The following ITSN1 variants were observed in gnomAD, a reference collection of about 807,000 sequenced individuals.
The protein encoded by ITSN1 is intersectin 1, also known as intersectin-1.
A neutral mutation model predicts 239.8 loss-of-function variants in ITSN1; 58 were observed. The ratio of observed to expected loss-of-function variants is 0.24; its 90% CI spans 0.20 to 0.30. The LOEUF is 0.30. ITSN1 is among the 10% of genes least tolerant of loss of function. The pLI, the probability that ITSN1 is intolerant of heterozygous loss-of-function variation, is 1.00. For missense variants in ITSN1, 1,558 were observed against 2,103.3 expected (o/e 0.74, Z 5.07); for synonymous variants, 780 against 770.8 (o/e 1.01, Z -0.20).
chr21:33,885,501 T>C lies in ITSN1; in HGVS notation c.4822T>C (p.Leu1608=), dbSNP rs747304185. 3.4e-5 allele frequency: 55 copies of C among 1,613,866 alleles called. No homozygotes were observed. Among genetic ancestry groups the C allele is most frequent in the Non-Finnish European group, 4.2e-5 (49 of 1,180,002 alleles). ...GGTGAACGTGGTTGAAGGCATCGAG[T>C]TGAAACCCTGTCGGTCACATGGTAA... is the stretch of plus-strand genomic sequence containing the variant. The part of the protein sequence containing the change: ...LMVNVVEGIE[L]KPCRSHGKSN... Residue 1608 remains leucine (L), a synonymous_variant, in exon 38 of 40, where the codon TTG becomes CTG. Coordinates refer to ENST00000381318, the MANE Select transcript of ITSN1 (RefSeq NM_003024.3).
intron 1 of ITSN1, among the ~76,000 whole-genome samples, chr21:33,666,303 G>A (rs1337401476): frequency 6.6e-6 from 1 of 152,126 alleles, no homozygotes; most frequent in Non-Finnish European, 1.5e-5. Flanking sequence ...GAGTAGCTGG[G>A]GCAGAGCATA....
chr21:33,888,100 T>G, intron 39 of ITSN1, 52 bp from the exon 40 acceptor site: 1 of 1,587,772 alleles, frequency 6.3e-7, no homozygotes, highest in Non-Finnish European at 8.6e-7. Context: ...GACATGTGCC[T>G]CGAAGAGAGG....
chr21:33,795,917 G>C (rs192124169), intron 17 of ITSN1, among the ~76,000 whole-genome samples: 1 of 149,660 alleles, frequency 6.7e-6, no homozygotes. Flanking sequence ...AGTATATATG[G>C]TGACCTTCAT....
At chr21:33,703,897 G>A (rs2092133130) in intron 1 of ITSN1, among the ~76,000 whole-genome samples, 1 of 152,054 alleles carries the variant, frequency 6.6e-6, no homozygotes, top group Non-Finnish European at 1.5e-5. Context: ...GAAGAGCTCC[G>A]GGCCCTTAGC....
intron 8 of ITSN1, among the ~76,000 whole-genome samples, chr21:33,755,624 C>T (rs1032172910): frequency 1.3e-5 from 2 of 152,202 alleles, no homozygotes; most frequent in Non-Finnish European, 2.9e-5. Context: ...CAGGGATACT[C>T]CTGTACGCTG....
chr21:33,730,378 GCT>G (rs1462080189), intron 4 of ITSN1, among the ~76,000 whole-genome samples: 4 of 138,330 alleles, frequency 2.9e-5, no homozygotes, highest in Non-Finnish European at 4.6e-5. Context: ...TGCTATAAAT[GCT>G]CTCTGTTCTT....
intron 31 of ITSN1, among the ~76,000 whole-genome samples, chr21:33,859,076 C>G (rs1332370948): frequency 7.4e-5 from 11 of 149,274 alleles, no homozygotes; most frequent in African/African-American, 2.8e-4. Context: ...TAGGGCGACG[C>G]TGGCTCCTGA....
chr21:33,701,784 G>A (rs1267186175), intron 1 of ITSN1, among the ~76,000 whole-genome samples: 1 of 151,018 alleles, frequency 6.6e-6, no homozygotes, highest in African/African-American at 2.4e-5. Context: ...AACAGAGCGA[G>A]ACTCCATCTC....
chr21:33,817,592 A>G (rs1247240612), intron 22 of ITSN1: 4 of 1,298,012 alleles, frequency 3.1e-6, no homozygotes, highest in Non-Finnish European at 4.1e-6. Flanking sequence ...ATTACCTGCT[A>G]GTAATACTGC....
In ITSN1 at chr21:33,865,132, C is replaced by A. The variant is rs1414476362; in HGVS notation, c.3891-19C>A. ...GATAGCGTGAAAGCAGGGGGCTCAC[C>A]TCCCGTGTTTCCGTGCAGAGCGCTG... On this transcript the variant is annotated intron_variant, in intron 31 of 39. Coordinates refer to ENST00000381318, the MANE Select transcript of ITSN1 (RefSeq NM_003024.3). The surrounding 1 kb of genome is among the most constrained non-coding windows in gnomAD (Gnocchi z 4.4). 6.2e-7 allele frequency: 1 copy of A among 1,602,824 alleles called. No homozygotes were observed. Among genetic ancestry groups the A allele is most frequent in the Non-Finnish European group, 8.5e-7 (1 of 1,173,158 alleles).
chr21:33,797,648 T>A lies in ITSN1; in HGVS notation c.2182+40T>A. 3 of 1,554,362 alleles carry A rather than the reference T, an allele frequency of 1.9e-6. No individual in the cohort carries two copies. The highest frequency in any genetic ancestry group is 2.7e-6 in the Non-Finnish European group (3 of 1,130,252). ...AAATAATTATAGAAAATAAGTCATC[T>A]TCTCTCCCAGAGCCTCCTGAAAAAT... On this transcript the variant is annotated intron_variant, in intron 18 of 39. Coordinates refer to ENST00000381318, the MANE Select transcript of ITSN1 (RefSeq NM_003024.3). The surrounding 1 kb of genome is among the most constrained non-coding windows in gnomAD (Gnocchi z 4.9).
chr21:33,776,931 G>A (rs4817593), intron 14 of ITSN1, among the ~76,000 whole-genome samples: 152,137 of 152,210 alleles, frequency 1, 76,032 homozygotes, highest in Middle Eastern at 1. Context: ...TCAGTTTACC[G>A]TTTTTTTTCT....
intron 27 of ITSN1, among the ~76,000 whole-genome samples, chr21:33,833,439 G>A (rs1422975793): frequency 1.3e-5 from 2 of 152,226 alleles, no homozygotes; most frequent in Admixed American, 6.5e-5. Context: ...AGACACATGA[G>A]TGCATCTTGG....
chr21:33,736,601 G>A (rs1601918665), intron 5 of ITSN1, among the ~76,000 whole-genome samples: 1 of 152,344 alleles, frequency 6.6e-6, no homozygotes, highest in East Asian at 1.9e-4. Context: ...TTAGCCTTTA[G>A]TTAACCAGCT....
chr21:33,688,170 A>G (rs1383032262), intron 1 of ITSN1, among the ~76,000 whole-genome samples: 1 of 151,942 alleles, frequency 6.6e-6, no homozygotes, highest in Non-Finnish European at 1.5e-5. Flanking sequence ...AGAACGCTGG[A>G]TAATGGACTT....
chr21:33,894,406 G>A lies in ITSN1; in HGVS notation c.*6106G>A, dbSNP rs901078550. 4 of 152,088 alleles carry A rather than the reference G, an allele frequency of 2.6e-5. No homozygotes were observed. The highest frequency in any genetic ancestry group is 1.3e-4 in the Admixed American group (2 of 15,274). 9.4% of individuals were successfully genotyped at this position (152,088 alleles called of 1,614,324 possible). A position where few individuals can be genotyped will look rare whatever the true frequency, so the allele number is the denominator to read the frequency against. On this transcript the variant is annotated 3_prime_UTR_variant, in exon 40 of 40. Coordinates refer to ENST00000381318, the MANE Select transcript of ITSN1 (RefSeq NM_003024.3). Reference sequence around the variant, plus strand: ...CCTTATTGGATGTCAGGGGTGTTTTGTGAGTTGTGTTTTAATAGGATTCTG... The same window carrying A: ...CCTTATTGGATGTCAGGGGTGTTTTATGAGTTGTGTTTTAATAGGATTCTG...
chr21:33,811,222 C>T lies in ITSN1; in HGVS notation c.2567C>T (p.Thr856Met), dbSNP rs772592802. 7 of 1,579,350 alleles carry T rather than the reference C, an allele frequency of 4.4e-6. No homozygotes were observed. Among genetic ancestry groups the T allele is most frequent in the African/African-American group, 2.7e-5 (2 of 73,362 alleles). ...TPNNWADFSSTWPTSTNEKPE... is the reference protein window; with the variant it reads ...TPNNWADFSSMWPTSTNEKPE... ...AATAACTGGGCCGACTTCAGCTCCA[C>T]GTACGTGTTGGTGGGCTCTTTCTGA... Residue 856 changes from threonine to methionine, a missense_variant and splice_region_variant, in exon 21 of 40, where the codon ACG becomes ATG. This residue lies in a region of ITSN1 where 982 missense variants were observed against 1,209.9 expected (regional missense o/e 0.81). Transcript: ENST00000381318.
At chr21:33,875,639 C>T (rs547485196) in intron 34 of ITSN1, 118 bp downstream of exon 34, 2 of 872,432 alleles carry the variant, frequency 2.3e-6, no homozygotes, top group African/African-American at 3.4e-5. Context: ...ATCCTCATTT[C>T]CATCCAGCTG....
chr21:33,806,028 C>G (rs1157358788), intron 20 of ITSN1, among the ~76,000 whole-genome samples: 1 of 139,894 alleles, frequency 7.1e-6, no homozygotes. Flanking sequence ...ACGGTGAAAC[C>G]CCGTCTCTAC....
Sources: allele counts gnomAD v4.1 joint callset (sites outside exome capture counted in the v4.1 genomes callset), GRCh38; gene constraint gnomAD v4.1.1; regional missense constraint gnomAD v4.1.1; non-coding constraint Gnocchi (gnomAD v3.1); transcripts MANE v1.5; gene names NCBI Gene and HGNC (gene_info 2026-07-23, HGNC 2026-07-21).